Variants in PPHLN1 observed in about 807,000 individuals in gnomAD.
PPHLN1 encodes the protein periphilin 1, also known as periphilin-1.
Under a neutral mutation model 51.3 loss-of-function variants are expected in PPHLN1, and 29 were observed. The ratio of observed to expected loss-of-function variants is 0.57; its 90% CI spans 0.42 to 0.77. PPHLN1 has a LOEUF of 0.77. Ranked by LOEUF, PPHLN1 falls within the 30% of genes least tolerant of loss-of-function variation. PPHLN1 has a pLI of 0.00. For synonymous variants in PPHLN1, 147 were observed against 147.8 expected, an observed-to-expected ratio of 0.99 and a Z score of 0.04; for missense variants, 436 against 438.4, an observed-to-expected ratio of 0.99 and a Z score of 0.05.
At chr12:42,331,053 A>G (rs1169361709) in intron 1 of PPHLN1, among the ~76,000 whole-genome samples, 1 of 152,194 alleles carries the variant, frequency 6.6e-6, no homozygotes, top group Non-Finnish European at 1.5e-5. Context: ...CCTTTTCTAC[A>G]TAGACACAGT....
chr12:42,402,744 A>G (rs1044006020), intron 9 of PPHLN1, among the ~76,000 whole-genome samples: 1 of 152,102 alleles, frequency 6.6e-6, no homozygotes, highest in Non-Finnish European at 1.5e-5. Context: ...CGAATATACC[A>G]CTGTTATGTG....
At chr12:42,381,124 T>C (rs2076724032) in intron 5 of PPHLN1, among the ~76,000 whole-genome samples, 1 of 152,238 alleles carries the variant, frequency 6.6e-6, no homozygotes, top group Admixed American at 6.5e-5. Flanking sequence ...TGAAACATTT[T>C]AGGCCATCAC....
chr12:42,438,657 A>C lies in PPHLN1; in HGVS notation c.910-2658A>C, dbSNP rs548826339. Among the ~76,000 whole-genome samples the C allele has an allele frequency of 2.0e-5, 3 of 152,258 alleles. No homozygotes were observed. The South Asian group carries it at 6.2e-4, about 32-fold the overall frequency. Reference sequence around the variant, plus strand: ...CACTCTGTAGCTCAGGCTGGAGTGCAGTGGCACGATCTCAGCTCACCGCAA... The same window carrying C: ...CACTCTGTAGCTCAGGCTGGAGTGCCGTGGCACGATCTCAGCTCACCGCAA... On this transcript the variant is annotated intron_variant, in intron 9 of 9. Transcript: ENST00000358314.
chr12:42,331,538 C>T (rs1399904346), intron 1 of PPHLN1, among the ~76,000 whole-genome samples: 5 of 152,202 alleles, frequency 3.3e-5, no homozygotes, highest in South Asian at 2.1e-4. Context: ...CAGTGGAGTG[C>T]TCTAAGAAAG....
At chr12:42,348,276 A>ATTTTTTTT (rs1213561958) in intron 2 of PPHLN1, among the ~76,000 whole-genome samples, 52 of 85,598 alleles carry the variant, frequency 6.1e-4, no homozygotes, top group African/African-American at 1.1e-3. Context: ...CACCTGGCTA[A>ATTTTTTTT]TTTTTTTTTT....
At chr12:42,392,165 G>A (rs1442128834) in intron 7 of PPHLN1, among the ~76,000 whole-genome samples, 3 of 152,164 alleles carry the variant, frequency 2.0e-5, no homozygotes, top group African/African-American at 4.8e-5. Context: ...GCAGTGAGCC[G>A]AGATCGCGGC....
At chr12:42,352,090 A>G in intron 3 of PPHLN1, 41 bp downstream of exon 3, 3 of 1,371,498 alleles carry the variant, frequency 2.2e-6, no homozygotes, top group Non-Finnish European at 2.8e-6. Flanking sequence ...TATTTCTTAT[A>G]AGTTTAAAAT....
intron 4 of PPHLN1, among the ~76,000 whole-genome samples, chr12:42,371,882 C>T (rs1379656419): frequency 6.6e-6 from 1 of 152,064 alleles, no homozygotes; most frequent in African/African-American, 2.4e-5. Context: ...TTAGATATGA[C>T]TACTTCTTCT....
intron 9 of PPHLN1, among the ~76,000 whole-genome samples, chr12:42,421,053 A>G: frequency 6.6e-6 from 1 of 152,118 alleles, no homozygotes; most frequent in Non-Finnish European, 1.5e-5. Flanking sequence ...ATCAGTTTGC[A>G]TGTGGATCAG....
At chr12:42,339,834 G>T (rs73118500) in intron 2 of PPHLN1, among the ~76,000 whole-genome samples, 11,279 of 150,116 alleles carry the variant, frequency 0.075, 444 homozygotes, top group Admixed American at 0.097. Context: ...AATTATCTGT[G>T]ATCTCTTTTG....
intron 9 of PPHLN1, among the ~76,000 whole-genome samples, chr12:42,422,724 A>G (rs147326272): frequency 1.2e-3 from 179 of 152,334 alleles, no homozygotes; most frequent in African/African-American, 4.1e-3. Flanking sequence ...GGATTTCAGT[A>G]GAATTTCTTA....
intron 1 of PPHLN1, among the ~76,000 whole-genome samples, chr12:42,327,564 T>A (rs2068993805): frequency 6.6e-6 from 1 of 152,230 alleles, no homozygotes; most frequent in South Asian, 2.1e-4. Flanking sequence ...AGTTTAGCTG[T>A]CACTTTACTT....
chr12:42,399,111 A>G (rs2078559355), intron 9 of PPHLN1, 117 bp downstream of exon 9: 1 of 1,455,766 alleles, frequency 6.9e-7, no homozygotes, highest in Admixed American at 2.5e-5. Flanking sequence ...TAAAACTACA[A>G]CTTAAAAAAT....
At chr12:42,336,028 T>A in intron 2 of PPHLN1, 54 bp downstream of exon 2, 1 of 1,243,478 alleles carries the variant, frequency 8.0e-7, no homozygotes, top group Non-Finnish European at 1.1e-6. Flanking sequence ...TGAATTAATT[T>A]GATACACCAA....
At chr12:42,358,891 T>C (rs1013113743) in intron 4 of PPHLN1, among the ~76,000 whole-genome samples, 5 of 152,208 alleles carry the variant, frequency 3.3e-5, no homozygotes, top group African/African-American at 1.2e-4. Context: ...GGTCAGTGGG[T>C]ATATATATGT....
At chr12:42,384,907 GC>G in intron 5 of PPHLN1, 32 bp from the exon 6 acceptor site, 1 of 1,558,948 alleles carries the variant, frequency 6.4e-7, no homozygotes, top group Non-Finnish European at 8.9e-7. Context: ...CAGAGGTGCT[GC>G]TGTTAATTCC....
At chr12:42,442,844 A>G (rs2083076874), downstream of PPHLN1, 3 of 1,536,042 alleles carry the variant, frequency 2.0e-6, no homozygotes, top group Non-Finnish European at 8.8e-7. Context: ...AACAGTATAT[A>G]AAAGTATTGA....
chr12:42,329,119 T>C (rs1351782867), intron 1 of PPHLN1, among the ~76,000 whole-genome samples: 2 of 150,262 alleles, frequency 1.3e-5, no homozygotes, highest in Non-Finnish European at 3.0e-5. Flanking sequence ...TGTGTGTGTG[T>C]GTGACGGAGT....
At chr12:42,386,614 A>G (rs2077214127) in intron 6 of PPHLN1, among the ~76,000 whole-genome samples, 1 of 152,104 alleles carries the variant, frequency 6.6e-6, no homozygotes. Flanking sequence ...TTCTCTTCTC[A>G]TGTTATTAAT....
Sources: gnomAD v4.1 joint callset for allele counts (sites outside exome capture counted in the v4.1 genomes callset) on GRCh38, gnomAD v4.1.1 for gene constraint, MANE v1.5 for transcripts, NCBI Gene and HGNC (gene_info 2026-07-23, HGNC 2026-07-21) for gene names.